AGBL1: variants seen among roughly 807,000 people sequenced by gnomAD.
The protein encoded by AGBL1 is AGBL carboxypeptidase 1.
In AGBL1, 130 loss-of-function variants were observed where a neutral mutation model predicts 118.9. That is an observed-to-expected ratio of 1.09 (90% CI 0.95 to 1.26). The LOEUF (loss-of-function observed/expected upper bound fraction) is 1.26. Ranked by LOEUF, AGBL1 falls within the 50% of genes most tolerant of loss-of-function variation. The pLI is 0.00. For synonymous variants in AGBL1, 555 were observed against 478.9 expected, an observed-to-expected ratio of 1.16 and a Z score of -2.08; for missense variants, 1,584 against 1,298.1, an observed-to-expected ratio of 1.22 and a Z score of -3.38.
At chr15:86,450,612 A>G (rs1370991226) in intron 18 of AGBL1, among the ~76,000 whole-genome samples, 1 of 152,198 alleles carries the variant, frequency 6.6e-6, no homozygotes, top group African/African-American at 2.4e-5. Flanking sequence ...TTTGACTACT[A>G]CTATTTAAGA....
At chr15:86,383,944 T>C (rs1434922656) in intron 17 of AGBL1, among the ~76,000 whole-genome samples, 1 of 152,262 alleles carries the variant, frequency 6.6e-6, no homozygotes, top group African/African-American at 2.4e-5. Context: ...TAGCTTTCTC[T>C]TTCTTCAAGA....
At chr15:86,518,945 T>C (rs2083154271) in intron 18 of AGBL1, among the ~76,000 whole-genome samples, 1 of 151,570 alleles carries the variant, frequency 6.6e-6, no homozygotes, top group South Asian at 2.1e-4. Flanking sequence ...TTAGTGCCTA[T>C]AAACTTTATC....
intron 6 of AGBL1, among the ~76,000 whole-genome samples, chr15:86,226,635 C>T (rs1303943176): frequency 6.6e-6 from 1 of 152,182 alleles, no homozygotes; most frequent in Non-Finnish European, 1.5e-5. Flanking sequence ...AACCAATAGC[C>T]AGTGCAAACA....
In AGBL1 at chr15:86,236,069, C is replaced by T. The variant is rs2078536944; in HGVS notation, c.526+11118C>T. On this transcript the variant is annotated intron_variant, in intron 6 of 22. Transcript: ENST00000614907. ...GACTAACCTCTACTCCTTCCTTTCACTACTGCAGGTTTTAAACTTTTTTTT... is the reference window on the plus strand; with the variant it reads ...GACTAACCTCTACTCCTTCCTTTCATTACTGCAGGTTTTAAACTTTTTTTT... Among the ~76,000 whole-genome samples, 4 of 152,224 alleles carry T rather than the reference C, an allele frequency of 2.6e-5. No individual in the cohort carries two copies. The South Asian group carries it at 8.3e-4, about 32-fold the overall frequency.
intron 21 of AGBL1, among the ~76,000 whole-genome samples, chr15:86,563,689 T>A (rs141107679): frequency 0.022 from 3,426 of 152,284 alleles, 63 homozygotes; most frequent in Middle Eastern, 0.075. Flanking sequence ...ATATCCTTTT[T>A]AACTTTCTGT....
At chr15:86,820,171 C>G (rs2141386011) in intron 22 of AGBL1, among the ~76,000 whole-genome samples, 1 of 152,268 alleles carries the variant, frequency 6.6e-6, no homozygotes. Flanking sequence ...AAACATAAGA[C>G]TTAAAACTAT....
intron 22 of AGBL1, among the ~76,000 whole-genome samples, chr15:86,802,315 A>G (rs1022772891): frequency 2.0e-5 from 3 of 151,502 alleles, no homozygotes; most frequent in African/African-American, 7.3e-5. Context: ...GCATTGTAGT[A>G]TTCTTGATGG....
chr15:86,757,075 C>T (rs1357924683), intron 22 of AGBL1, among the ~76,000 whole-genome samples: 3 of 151,650 alleles, frequency 2.0e-5, no homozygotes, highest in Non-Finnish European at 2.9e-5. Flanking sequence ...GAATTTACAA[C>T]TAAAAACAGT....
Position 86,573,775 on chromosome 15 carries a change from C to T in AGBL1, c.2994+19238C>T, listed in dbSNP as rs573252164. On this transcript the variant is annotated intron_variant, in intron 21 of 22. Transcript: ENST00000614907. ...AAGCTTATAATTAACTACACCTCCC[C>T]GAAGGCAGACAGAATCGGAAAGATA... 4.6e-5 allele frequency among the ~76,000 whole-genome samples: 7 copies of T among 152,184 alleles called. 1 individual carries two copies. The highest frequency in any genetic ancestry group is 3.3e-4 in the Admixed American group (5 of 15,274).
intron 18 of AGBL1, among the ~76,000 whole-genome samples, chr15:86,505,302 A>T (rs1025867757): frequency 2.8e-5 from 4 of 140,544 alleles, no homozygotes; most frequent in Admixed American, 1.4e-4. Context: ...TTTTTCACTA[A>T]GTTTAGGAAG....
intron 1 of AGBL1, chr15:86,107,451 C>G (rs1897117146): frequency 6.6e-6 from 1 of 152,128 alleles, no homozygotes. Flanking sequence ...ATGATACCTA[C>G]CTGCTGTGAA....
intron 21 of AGBL1, among the ~76,000 whole-genome samples, chr15:86,608,028 C>T (rs564884659): frequency 6.6e-6 from 1 of 152,286 alleles, no homozygotes; most frequent in East Asian, 1.9e-4. Flanking sequence ...CTTTCTGCGC[C>T]TGCATTTTCA....
chr15:86,321,076 C>T (rs1345372653), intron 17 of AGBL1, among the ~76,000 whole-genome samples: 1 of 152,020 alleles, frequency 6.6e-6, no homozygotes, highest in Non-Finnish European at 1.5e-5. Context: ...GTGTCTTTGT[C>T]TCCTTTTGGT....
intron 22 of AGBL1, among the ~76,000 whole-genome samples, chr15:86,764,892 C>A (rs1480510616): frequency 6.6e-6 from 1 of 151,990 alleles, no homozygotes; most frequent in Non-Finnish European, 1.5e-5. Context: ...CTCTAATGAA[C>A]CTATTTCTAG....
At position 86,156,843 on chromosome 15, in the gene AGBL1, G is replaced by A. The variant is rs1023221241; in HGVS notation, c.395-2090G>A. On this transcript the variant is annotated intron_variant, in intron 4 of 22. Coordinates refer to ENST00000614907, the MANE Select transcript of AGBL1 (RefSeq NM_001386094.1). The stretch of plus-strand genomic sequence containing the variant: ...CTCGTTCTGTCACCCAGGCTGGAAT[G>A]TAGTGGCATGATCTTGGCTCACTGC... 3.9e-4 allele frequency among the ~76,000 whole-genome samples: 54 copies of A among 138,016 alleles called. 1 individual carries two copies. Among genetic ancestry groups the A allele is most frequent in the African/African-American group, 1.5e-3 (54 of 36,330 alleles). 90.5% of individuals were successfully genotyped at this position (138,016 alleles called of 152,430 possible).
chr15:86,598,905 G>A (rs1016705011), intron 21 of AGBL1, among the ~76,000 whole-genome samples: 1 of 152,176 alleles, frequency 6.6e-6, no homozygotes, highest in African/African-American at 2.4e-5. Flanking sequence ...AAATGGAGCA[G>A]ACTGACCTGA....
chr15:86,600,090 C>A (rs2084470523), intron 21 of AGBL1, among the ~76,000 whole-genome samples: 2 of 152,108 alleles, frequency 1.3e-5, no homozygotes, highest in South Asian at 4.1e-4. Context: ...GTAATTGCTT[C>A]TTTCCAGTTA....
At position 86,912,502 on chromosome 15, in the gene AGBL1, C is replaced by G. The variant is rs2080365683; in HGVS notation, c.*5208C>G. 6.6e-6 allele frequency: 1 copy of G among 152,084 alleles called. No homozygotes were observed. Among genetic ancestry groups the G allele is most frequent in the South Asian group, 2.1e-4 (1 of 4,826 alleles). 9.4% of individuals were successfully genotyped at this position (152,084 alleles called of 1,614,324 possible). On this transcript the variant is annotated 3_prime_UTR_variant, in exon 23 of 23. Coordinates refer to ENST00000614907, the MANE Select transcript of AGBL1 (RefSeq NM_001386094.1). The stretch of plus-strand genomic sequence containing the variant: ...AGCATCCAAGAATTCCATACATTGG[C>G]TTCAGTTTCCTTCCAGAAAGAGGAT...
At chr15:86,727,786 A>G (rs2086842864) in intron 22 of AGBL1, among the ~76,000 whole-genome samples, 1 of 152,234 alleles carries the variant, frequency 6.6e-6, no homozygotes, top group Non-Finnish European at 1.5e-5. Context: ...AAGTTGCAAA[A>G]ATCCCACAAA....
Sources: allele counts gnomAD v4.1 joint callset (sites outside exome capture counted in the v4.1 genomes callset), GRCh38; gene constraint gnomAD v4.1.1; transcripts MANE v1.5; gene names NCBI Gene and HGNC (gene_info 2026-07-23, HGNC 2026-07-21).